Variants in CEP44 observed in about 807,000 individuals in gnomAD.
CEP44 encodes centrosomal protein of 44 kDa.
Under a neutral mutation model 46.7 loss-of-function variants are expected in CEP44, and 45 were observed. The ratio of observed to expected loss-of-function variants is 0.96; its 90% CI spans 0.76 to 1.24. CEP44 has a LOEUF of 1.24. Among genes scored for constraint, CEP44 ranks in the 50% most tolerant of loss-of-function variants. CEP44 has a pLI of 0.00. For missense variants in CEP44, 475 were observed against 459.7 expected (o/e 1.03, Z -0.30); for synonymous variants, 142 against 146.0 (o/e 0.97, Z 0.20).
chr4:174,301,120 T>C lies in CEP44; in HGVS notation c.90-919T>C, dbSNP rs1235478127. 2.6e-5 allele frequency among the ~76,000 whole-genome samples: 4 copies of C among 152,302 alleles called. No individual in the cohort carries two copies. Among genetic ancestry groups the C allele is most frequent in the African/African-American group, 9.6e-5 (4 of 41,580 alleles). On this transcript the variant is annotated intron_variant, in intron 3 of 11. Transcript: ENST00000503780. The surrounding 1 kb of genome is among the most constrained non-coding windows in gnomAD (Gnocchi z 4.3). ...GCTATCATCATGTATTTGTTCTCTG[T>C]CTTACTAAAAATTTGGGTGGAGATG... is the stretch of plus-strand genomic sequence containing the variant.
intron 1 of CEP44, among the ~76,000 whole-genome samples, chr4:174,294,426 G>A: frequency 6.6e-6 from 1 of 151,450 alleles, no homozygotes; most frequent in African/African-American, 2.4e-5. Flanking sequence ...AAAATGAAAA[G>A]TCTCCCGTGT....
chr4:174,316,020 T>G (rs1307903785), intron 9 of CEP44, 146 bp from the exon 10 acceptor site: 7 of 914,054 alleles, frequency 7.7e-6, no homozygotes, highest in Admixed American at 3.2e-5. Flanking sequence ...AGCTGTTACC[T>G]TAAGAGTACT....
At chr4:174,307,194 C>T (rs1232998479) in intron 6 of CEP44, among the ~76,000 whole-genome samples, 1 of 152,088 alleles carries the variant, frequency 6.6e-6, no homozygotes, top group Non-Finnish European at 1.5e-5. Context: ...AGGGATCATG[C>T]TACCCAACTT....
chr4:174,311,515 CGTTAA>C lies in CEP44; in HGVS notation c.961+663_961+667del, dbSNP rs1263866928. Among the ~76,000 whole-genome samples, 7 of 152,012 alleles carry C rather than the reference CGTTAA, an allele frequency of 4.6e-5. No individual in the cohort carries two copies. The highest frequency in any genetic ancestry group is 1.4e-4 in the African/African-American group (6 of 41,418). ...ATGTTTTGTCCAATTGAGAATTCAT[CGTTAA>C]GTTAAATTTTTAATATCTGTGGATT... On this transcript the variant is annotated intron_variant, in intron 9 of 11. Coordinates refer to ENST00000503780, the MANE Select transcript of CEP44 (RefSeq NM_001040157.3). The surrounding 1 kb of genome is among the most constrained non-coding windows in gnomAD (Gnocchi z 4.4).
In CEP44 at chr4:174,309,735, C is replaced by T. The variant is rs149601321; in HGVS notation, c.679-115C>T. 6 of 707,294 alleles carry T rather than the reference C, an allele frequency of 8.5e-6. No individual in the cohort carries two copies. The highest frequency in any genetic ancestry group is 1.4e-5 in the Non-Finnish European group (6 of 434,904). The allele number at this position is 707,294 out of a possible 1,614,324, so 43.8% of individuals were successfully genotyped here. On this transcript the variant is annotated intron_variant, in intron 7 of 11. Coordinates refer to ENST00000503780, the MANE Select transcript of CEP44 (RefSeq NM_001040157.3). This position sits in a 1 kb window ranked among gnomAD's most constrained non-coding sequence, Gnocchi z 5.3. ...ATCCAGAGATAGCTCTCTTAACTCT[C>T]AAGCAGGACGGTCTCTCCTAACTGT...
At position 174,318,561 on chromosome 4, in the gene CEP44, G is replaced by GA; in HGVS notation, c.*1182dup. The GA allele has an allele frequency of 1.2e-6, 1 of 845,686 alleles. No homozygotes were observed. The allele number at this position is 845,686 out of a possible 1,614,324, so 52.4% of individuals were successfully genotyped here. ...GTAGATAAAAGTGTTCCAGTAATCA[G>GA]AAAATCCTCAAGAAAATTGACTTCA... is the stretch of plus-strand genomic sequence containing the variant. On this transcript the variant is annotated 3_prime_UTR_variant, in exon 12 of 12. Transcript: ENST00000503780.
At position 174,304,178 on chromosome 4, in the gene CEP44, A is replaced by G. The variant is rs1740095529; in HGVS notation, c.385-69A>G. On this transcript the variant is annotated intron_variant, in intron 5 of 11. Transcript: ENST00000503780. ...TTCATATATGAAAATTTAAATGTTA[A>G]TGGAATTTTAATATATAATTATGCT... 4.1e-6 allele frequency: 6 copies of G among 1,468,372 alleles called. No homozygotes were observed. The African/African-American group carries it at 7.2e-5, about 18-fold the overall frequency. 91.0% of individuals were successfully genotyped at this position (1,468,372 alleles called of 1,614,324 possible).
At chr4:174,305,223 G>T (rs1740243122) in intron 6 of CEP44, among the ~76,000 whole-genome samples, 1 of 152,164 alleles carries the variant, frequency 6.6e-6, no homozygotes, top group African/African-American at 2.4e-5. Flanking sequence ...GGAGGCCAAG[G>T]CAGGTGGATC....
chr4:174,298,464 C>T (rs912159028), intron 2 of CEP44, among the ~76,000 whole-genome samples: 9 of 152,114 alleles, frequency 5.9e-5, no homozygotes, highest in South Asian at 4.1e-4. Context: ...CGTGAGCCAC[C>T]GCGCCCAGCC....
chr4:174,304,426 A>G (rs1429458837), intron 6 of CEP44, 57 bp downstream of exon 6: 9 of 1,568,726 alleles, frequency 5.7e-6, no homozygotes, highest in Non-Finnish European at 6.9e-6. Context: ...TTAATCCAAT[A>G]TACAGTTTTC....
intron 1 of CEP44, among the ~76,000 whole-genome samples, chr4:174,296,763 A>ATTTTT (rs202212472): frequency 5.9e-4 from 53 of 90,390 alleles, no homozygotes; most frequent in East Asian, 9.5e-4. Flanking sequence ...GTCCTTACTG[A>ATTTTT]TTTTTTTTTT....
chr4:174,294,724 G>GACC (rs1738670314), intron 1 of CEP44, among the ~76,000 whole-genome samples: 1 of 139,176 alleles, frequency 7.2e-6, no homozygotes, highest in East Asian at 2.2e-4. Context: ...GCGGGGGGCT[G>GACC]ACCACCCCCC....
downstream of CEP44, among the ~76,000 whole-genome samples, chr4:174,324,576 C>T (rs76702513): frequency 0.018 from 2,693 of 152,212 alleles, 72 homozygotes; most frequent in African/African-American, 0.061. Flanking sequence ...TTCTAGTGGA[C>T]GTGTGTGGTG....
Position 174,310,843 on chromosome 4 carries a change from G to T in CEP44, c.946G>T (p.Asp316Tyr). The T allele has an allele frequency of 6.7e-7, 1 of 1,496,268 alleles. No homozygotes were observed. Among genetic ancestry groups the T allele is most frequent in the Non-Finnish European group, 9.2e-7 (1 of 1,086,174 alleles). The allele number at this position is 1,496,268 out of a possible 1,614,324, so 92.7% of individuals were successfully genotyped here. A position where few individuals can be genotyped will look rare whatever the true frequency, so the allele number is the denominator to read the frequency against. Residue 316 changes from aspartate to tyrosine, a missense_variant, in exon 9 of 12, where the codon GAC (aspartate) becomes TAC (tyrosine). By Grantham distance (160) the Asp-to-Tyr change is radical. Coordinates refer to ENST00000503780, the MANE Select transcript of CEP44 (RefSeq NM_001040157.3). This position sits in a 1 kb window ranked among gnomAD's most constrained non-coding sequence, Gnocchi z 4.2. Reference protein sequence around the residue: ...SEDYASCSDMDLLNPHRKSEV... With the variant: ...SEDYASCSDMYLLNPHRKSEV... ...AGACTACGCTTCTTGTAGTGACATG[G>T]ACCTTCTGAATCCTCGTAAGTTTGT...
chr4:174,315,773 G>A (rs1185892377), intron 9 of CEP44, among the ~76,000 whole-genome samples: 1 of 150,440 alleles, frequency 6.6e-6, no homozygotes, highest in Non-Finnish European at 1.5e-5. Flanking sequence ...CCCGGGAGGC[G>A]GAGCTTGCAG....
At position 174,309,731 on chromosome 4, in the gene CEP44, C is replaced by T. The variant is rs1740852444; in HGVS notation, c.679-119C>T. 1.5e-6 allele frequency: 1 copy of T among 680,724 alleles called. No individual in the cohort carries two copies. Among genetic ancestry groups the T allele is most frequent in the Non-Finnish European group, 2.4e-6 (1 of 412,288 alleles). The allele number at this position is 680,724 out of a possible 1,614,324, so 42.2% of individuals were successfully genotyped here. ...CTCCATCCAGAGATAGCTCTCTTAA[C>T]TCTCAAGCAGGACGGTCTCTCCTAA... On this transcript the variant is annotated intron_variant, in intron 7 of 11. Transcript: ENST00000503780. This position sits in a 1 kb window ranked among gnomAD's most constrained non-coding sequence, Gnocchi z 5.3.
chr4:174,302,413 G>T (rs961204520), intron 4 of CEP44, among the ~76,000 whole-genome samples: 3 of 152,036 alleles, frequency 2.0e-5, no homozygotes, highest in African/African-American at 7.2e-5. Flanking sequence ...AATATTTGTT[G>T]TTGGCTATTG....
rs376538954 is a variant in CEP44 at position 174,283,946 on chromosome 4, G to A, written c.-148+3G>A. ...CCAGCTTTGAAGGTCTTGCGGTGGT[G>A]CGTGGCGGGCAGGAACCCACAATTC... On this transcript the variant is annotated splice_donor_region_variant and intron_variant, in intron 1 of 11. Transcript: ENST00000503780. The surrounding 1 kb of genome is among the most constrained non-coding windows in gnomAD (Gnocchi z 6.7). The A allele has an allele frequency of 7.5e-6, 3 of 399,144 alleles. No individual in the cohort carries two copies. The highest frequency in any genetic ancestry group is 1.3e-5 in the Non-Finnish European group (3 of 226,284). 24.7% of individuals were successfully genotyped at this position (399,144 alleles called of 1,614,324 possible).
At position 174,331,151 on chromosome 4, in the gene CEP44, A is replaced by G. The variant is rs1183162099; in HGVS notation, c.1087-331A>G. On this transcript the variant is annotated intron_variant, in intron 8 of 8. Transcript: ENST00000426172. The surrounding 1 kb of genome is among the most constrained non-coding windows in gnomAD (Gnocchi z 4.5). ...TATTTTCATTTTTAATTAGTACGTA[A>G]ATTAGATCTCATAATTATGTTACCA... Among the ~76,000 whole-genome samples, 1 of 151,934 alleles carries G rather than the reference A, an allele frequency of 6.6e-6. No homozygotes were observed. The highest frequency in any genetic ancestry group is 1.5e-5 in the Non-Finnish European group (1 of 67,988).
Sources: allele counts gnomAD v4.1 joint callset (sites outside exome capture counted in the v4.1 genomes callset), GRCh38; gene constraint gnomAD v4.1.1; non-coding constraint Gnocchi (gnomAD v3.1); transcripts MANE v1.5; gene names NCBI Gene and HGNC (gene_info 2026-07-23, HGNC 2026-07-21).